The following FTO variants were observed in gnomAD, a reference collection of about 807,000 sequenced individuals.
The protein encoded by FTO is FTO alpha-ketoglutarate dependent dioxygenase, also known as alpha-ketoglutarate-dependent dioxygenase FTO.
In FTO, 47 loss-of-function variants were observed where a neutral mutation model predicts 63.9. The observed-to-expected ratio is 0.74, with a 90% CI of 0.58 to 0.94. The LOEUF is 0.94. Ranked by LOEUF, FTO falls within the 40% of genes least tolerant of loss-of-function variation. The pLI is 0.00. For missense variants in FTO, 562 were observed against 618.1 expected (o/e 0.91, Z 0.96); for synonymous variants, 207 against 224.4 (o/e 0.92, Z 0.69).
chr16:53,911,495 G>C (rs1396215444), intron 7 of FTO: 1 of 702,910 alleles, frequency 1.4e-6, no homozygotes, highest in African/African-American at 1.7e-5. Flanking sequence ...GTAAGGACAG[G>C]AGGACAAGGT....
chr16:53,707,982 C>A (rs1202290418), intron 1 of FTO, among the ~76,000 whole-genome samples: 1 of 152,228 alleles, frequency 6.6e-6, no homozygotes, highest in East Asian at 1.9e-4. Flanking sequence ...ATGTGGTCTT[C>A]TTTCACCCAG....
chr16:53,789,473 C>T (rs185630463), intron 1 of FTO, among the ~76,000 whole-genome samples: 1 of 152,216 alleles, frequency 6.6e-6, no homozygotes, highest in South Asian at 2.1e-4. Context: ...AGAGAATACT[C>T]TCATTTCAGA....
intron 2 of FTO, among the ~76,000 whole-genome samples, chr16:53,815,083 CAGAGAG>C (rs56202708): frequency 0.053 from 7,821 of 147,906 alleles, 588 homozygotes; most frequent in East Asian, 0.41. Context: ...GGGAGACGGT[CAGAGAG>C]AGAGAGAGAG....
At chr16:53,799,969 G>T (rs2078175776) in intron 1 of FTO, among the ~76,000 whole-genome samples, 1 of 151,512 alleles carries the variant, frequency 6.6e-6, no homozygotes, top group East Asian at 1.9e-4. Flanking sequence ...ACTAGCTTTT[G>T]GCTTCATTTT....
At chr16:53,787,139 A>AAAAG (rs2077767751) in intron 1 of FTO, among the ~76,000 whole-genome samples, 2 of 136,636 alleles carry the variant, frequency 1.5e-5, no homozygotes, top group African/African-American at 5.5e-5. Context: ...AAAAAAAAAA[A>AAAAG]AAAGAAAAAG....
At chr16:53,891,051 C>T (rs1455107418) in intron 7 of FTO, among the ~76,000 whole-genome samples, 3 of 150,618 alleles carry the variant, frequency 2.0e-5, no homozygotes, top group South Asian at 2.1e-4. Flanking sequence ...AGTGCGATGG[C>T]GCGATCTCAG....
chr16:54,073,764 AAT>A (rs2085924064), intron 8 of FTO, among the ~76,000 whole-genome samples: 1 of 152,146 alleles, frequency 6.6e-6, no homozygotes, highest in Admixed American at 6.5e-5. Context: ...TCTTCTTTCT[AAT>A]ATGAGTATTT....
intron 7 of FTO, among the ~76,000 whole-genome samples, chr16:53,921,033 A>G (rs1359924635): frequency 6.6e-6 from 1 of 152,198 alleles, no homozygotes; most frequent in African/African-American, 2.4e-5. Context: ...TTCTGCTTCA[A>G]TTCTTGTGTA....
At chr16:53,725,548 T>G (rs2076133713) in intron 1 of FTO, among the ~76,000 whole-genome samples, 1 of 152,228 alleles carries the variant, frequency 6.6e-6, no homozygotes, top group South Asian at 2.1e-4. Context: ...TGCTACATGC[T>G]CATATAGTAC....
At chr16:54,084,746 T>C (rs1434584912) in intron 8 of FTO, among the ~76,000 whole-genome samples, 2 of 152,272 alleles carry the variant, frequency 1.3e-5, no homozygotes, top group South Asian at 2.1e-4. Flanking sequence ...AGTCCTGTGA[T>C]GCTGCACACA....
rs1050199341 is a variant in FTO at position 53,732,197 on chromosome 16, C to T, written c.45+27968C>T. 5.9e-5 allele frequency among the ~76,000 whole-genome samples: 9 copies of T among 151,934 alleles called. No individual in the cohort carries two copies. In the East Asian group the frequency reaches 1.8e-3, roughly 30 times the overall value. ...CTGAGTAGCTGGGACTACAGGCGCC[C>T]GCCACCACGCCCGGCTAATTTCTTT... is the stretch of plus-strand genomic sequence containing the variant. On this transcript the variant is annotated intron_variant, in intron 1 of 8. Transcript: ENST00000471389.
chr16:53,732,726 T>C (rs1027738711), intron 1 of FTO, among the ~76,000 whole-genome samples: 2 of 152,094 alleles, frequency 1.3e-5, no homozygotes, highest in South Asian at 2.1e-4. Context: ...ATAATAACAG[T>C]AGGCATAAAG....
At position 54,112,699 on chromosome 16, in the gene FTO, G is replaced by A. The variant is rs1267123837; in HGVS notation, c.*784G>A. 2 of 152,220 alleles carry A rather than the reference G, an allele frequency of 1.3e-5. No individual in the cohort carries two copies. Among genetic ancestry groups the A allele is most frequent in the African/African-American group, 4.8e-5 (2 of 41,458 alleles). 9.4% of individuals were successfully genotyped at this position (152,220 alleles called of 1,614,324 possible). ...GCCTGAGCTTTGAGTCCTATGCTCA[G>A]CACACGGGAAGGAGATGTTAATAAT... On this transcript the variant is annotated 3_prime_UTR_variant, in exon 9 of 9. Transcript: ENST00000471389.
intron 8 of FTO, among the ~76,000 whole-genome samples, chr16:54,033,789 C>T (rs1329445465): frequency 6.6e-6 from 1 of 152,138 alleles, no homozygotes; most frequent in African/African-American, 2.4e-5. Flanking sequence ...GTACTCCAGG[C>T]TGGGCCACCG....
At chr16:53,806,125 G>T (rs561420629) in intron 1 of FTO, among the ~76,000 whole-genome samples, 14 of 152,300 alleles carry the variant, frequency 9.2e-5, no homozygotes, top group Admixed American at 9.2e-4. Flanking sequence ...AAAGAAAATT[G>T]TCAGAGCTGT....
At chr16:54,080,562 G>A (rs1357825312) in intron 8 of FTO, among the ~76,000 whole-genome samples, 2 of 152,162 alleles carry the variant, frequency 1.3e-5, no homozygotes, top group African/African-American at 2.4e-5. Flanking sequence ...CCGATGGTGA[G>A]GGGACTCTGT....
chr16:53,898,354 G>C (rs1233036262), intron 7 of FTO, among the ~76,000 whole-genome samples: 3 of 152,126 alleles, frequency 2.0e-5, no homozygotes, highest in Non-Finnish European at 4.4e-5. Flanking sequence ...ATTTCATTCA[G>C]ATCTCTGCTC....
At chr16:53,947,681 AAC>A (rs988753702) in intron 8 of FTO, among the ~76,000 whole-genome samples, 3 of 152,218 alleles carry the variant, frequency 2.0e-5, no homozygotes, top group Admixed American at 6.5e-5. Flanking sequence ...TGGGATAATA[AAC>A]ACACTCCTTT....
intron 8 of FTO, among the ~76,000 whole-genome samples, chr16:53,948,875 C>A (rs1477538764): frequency 6.6e-6 from 1 of 152,180 alleles, no homozygotes; most frequent in Non-Finnish European, 1.5e-5. Flanking sequence ...GGCTGGGAGA[C>A]CAGTACACAA....
Sources: allele counts gnomAD v4.1 joint callset (sites outside exome capture counted in the v4.1 genomes callset), GRCh38; gene constraint gnomAD v4.1.1; transcripts MANE v1.5; gene names NCBI Gene and HGNC (gene_info 2026-07-23, HGNC 2026-07-21).